The following SLC2A9 variants were observed in gnomAD, a reference collection of about 807,000 sequenced individuals.
SLC2A9 encodes solute carrier family 2 member 9.
Under a neutral mutation model 50.6 loss-of-function variants are expected in SLC2A9, and 39 were observed. The ratio of observed to expected loss-of-function variants is 0.77; its 90% CI spans 0.60 to 1.01. The LOEUF (loss-of-function observed/expected upper bound fraction) is 1.01, where lower values mean the gene tolerates loss of function less well. SLC2A9 is among the 50% of genes least tolerant of loss of function. The pLI is 0.00. For synonymous variants in SLC2A9, 324 were observed against 276.9 expected, an observed-to-expected ratio of 1.17 and a Z score of -1.69; for missense variants, 686 against 677.6, an observed-to-expected ratio of 1.01 and a Z score of -0.14.
intron 2 of SLC2A9, among the ~76,000 whole-genome samples, chr4:10,013,544 A>C (rs530337570): frequency 4.8e-4 from 73 of 152,340 alleles, no homozygotes; most frequent in African/African-American, 1.6e-3. Context: ...GGTTAGTGAT[A>C]GCTGCCTTGC....
chr4:9,947,393 C>T (rs545499722), intron 5 of SLC2A9, among the ~76,000 whole-genome samples: 30 of 152,310 alleles, frequency 2.0e-4, no homozygotes, highest in African/African-American at 6.7e-4. Flanking sequence ...GTGCACCGAG[C>T]ACTCAGCTCC....
chr4:9,976,298 C>T (rs187288283), intron 5 of SLC2A9, among the ~76,000 whole-genome samples: 1 of 152,102 alleles, frequency 6.6e-6, no homozygotes, highest in Non-Finnish European at 1.5e-5. Flanking sequence ...TCTTGCTAAC[C>T]CTCCTTCACC....
At chr4:9,894,544 C>A (rs1043883153) in intron 8 of SLC2A9, among the ~76,000 whole-genome samples, 14 of 152,218 alleles carry the variant, frequency 9.2e-5, no homozygotes, top group African/African-American at 3.1e-4. Flanking sequence ...GTGTTGGATG[C>A]AAATCTCTGT....
chr4:9,933,982 G>T (rs1746614903), intron 6 of SLC2A9, among the ~76,000 whole-genome samples: 1 of 152,100 alleles, frequency 6.6e-6, no homozygotes, highest in African/African-American at 2.4e-5. Context: ...GGCTTACCCT[G>T]GTAGTCCAGG....
At chr4:9,822,791 T>C (rs1724588679), downstream of SLC2A9, among the ~76,000 whole-genome samples, 1 of 152,214 alleles carries the variant, frequency 6.6e-6, no homozygotes, top group South Asian at 2.1e-4. Flanking sequence ...GATTTTTTCC[T>C]TTATATTTGA....
chr4:10,013,254 A>G (rs1030129427), intron 2 of SLC2A9, among the ~76,000 whole-genome samples: 2 of 152,230 alleles, frequency 1.3e-5, no homozygotes, highest in Non-Finnish European at 2.9e-5. Context: ...GGATGCTGCC[A>G]TAAACCAGGC....
At chr4:9,818,167 G>A (rs1041341904) in intron 3 of SLC2A9, among the ~76,000 whole-genome samples, 10 of 152,120 alleles carry the variant, frequency 6.6e-5, no homozygotes, top group African/African-American at 1.4e-4. Flanking sequence ...CATGCTGAGC[G>A]GGTGTCCTTT....
At chr4:9,901,009 A>G (rs1045049920) in intron 8 of SLC2A9, among the ~76,000 whole-genome samples, 5 of 152,174 alleles carry the variant, frequency 3.3e-5, no homozygotes, top group African/African-American at 1.2e-4. Flanking sequence ...GAGAGTCCAC[A>G]TTTCTCTGCC....
At chr4:10,038,997 C>T (rs529508711) in intron 1 of SLC2A9, among the ~76,000 whole-genome samples, 5 of 152,216 alleles carry the variant, frequency 3.3e-5, no homozygotes, top group Non-Finnish European at 5.9e-5. Flanking sequence ...TAGAAGCAGC[C>T]GTAGACAATG....
chr4:9,945,924 G>C (rs1122142), intron 5 of SLC2A9, among the ~76,000 whole-genome samples: 74,405 of 152,080 alleles, frequency 0.49, 19,661 homozygotes, highest in African/African-American at 0.68. Context: ...CACAAACAGC[G>C]CTTGCCATTT....
chr4:9,797,233 C>T (rs543640806), downstream of SLC2A9, among the ~76,000 whole-genome samples: 1 of 152,290 alleles, frequency 6.6e-6, no homozygotes, highest in South Asian at 2.1e-4. Flanking sequence ...CTCTCCTGAA[C>T]TATTTTAATT....
At chr4:9,890,780 C>T (rs2109785065) in intron 8 of SLC2A9, 69 bp from the exon 9 acceptor site, 1 of 1,394,692 alleles carries the variant, frequency 7.2e-7, no homozygotes, top group East Asian at 2.4e-5. Flanking sequence ...GAATGTGGCA[C>T]TGGGAACCGG....
intron 3 of SLC2A9, among the ~76,000 whole-genome samples, chr4:9,990,085 T>C (rs897949723): frequency 6.6e-6 from 1 of 152,146 alleles, no homozygotes; most frequent in Non-Finnish European, 1.5e-5. Flanking sequence ...TGCTTGTTAC[T>C]TGGCTGTGCT....
rs552663101 is a variant in SLC2A9 at position 9,911,143 on chromosome 4, TATA to T, written c.1003-2801_1003-2799del. Among the ~76,000 whole-genome samples, 12 of 151,610 alleles carry T rather than the reference TATA, an allele frequency of 7.9e-5. No individual in the cohort carries two copies. The East Asian group carries it at 9.7e-4, about 12-fold the overall frequency. ...TCCACAGGTATCCCAGAACTTAAAG[TATA>T]ATAATAATAATAATAAAGCAATAAA... On this transcript the variant is annotated intron_variant, in intron 7 of 11. Transcript: ENST00000264784.
At position 9,997,056 on chromosome 4, in the gene SLC2A9, C is replaced by T. The variant is rs559300020; in HGVS notation, c.250-115G>A. The T allele has an allele frequency of 4.8e-6, 6 of 1,255,710 alleles. No homozygotes were observed. The South Asian group carries it at 6.1e-5, about 13-fold the overall frequency. 77.8% of individuals were successfully genotyped at this position (1,255,710 alleles called of 1,614,324 possible). Reference sequence around the variant, plus strand: ...GAGCATTTTCATGCATAGCACTTTGCTAATTTGTTTGAGCTTTATCTCATT... The same window carrying T: ...GAGCATTTTCATGCATAGCACTTTGTTAATTTGTTTGAGCTTTATCTCATT... On this transcript the variant is annotated intron_variant, in intron 2 of 11. Transcript: ENST00000264784.
At chr4:9,938,072 ATTGT>A (rs1747423021) in intron 6 of SLC2A9, among the ~76,000 whole-genome samples, 1 of 152,154 alleles carries the variant, frequency 6.6e-6, no homozygotes, top group African/African-American at 2.4e-5. Flanking sequence ...ATCATCTATA[ATTGT>A]TTGTTAAATA....
At chr4:10,006,592 C>G (rs1478490262) in intron 2 of SLC2A9, 2 of 152,196 alleles carry the variant, frequency 1.3e-5, no homozygotes, top group Non-Finnish European at 2.9e-5. Context: ...CCCAGCAGTG[C>G]TACCTAATGT....
chr4:9,999,582 T>A (rs559793008), intron 2 of SLC2A9, among the ~76,000 whole-genome samples: 2 of 151,676 alleles, frequency 1.3e-5, no homozygotes, highest in African/African-American at 4.9e-5. Context: ...AGGAGGCCAA[T>A]AGGGGAGGAA....
intron 3 of SLC2A9, chr4:9,782,836 G>A: frequency 3.7e-6 from 6 of 1,613,010 alleles, no homozygotes; most frequent in Non-Finnish European, 5.1e-6. Context: ...CAGAGCACGC[G>A]CAGAGCTGCC....
Sources: gnomAD v4.1 joint callset for allele counts (sites outside exome capture counted in the v4.1 genomes callset) on GRCh38, gnomAD v4.1.1 for gene constraint, MANE v1.5 for transcripts, NCBI Gene and HGNC (gene_info 2026-07-23, HGNC 2026-07-21) for gene names.